Variants in PIK3R6 observed in about 807,000 individuals in gnomAD.
PIK3R6 encodes phosphoinositide-3-kinase regulatory subunit 6.
A neutral mutation model predicts 84.9 loss-of-function variants in PIK3R6; 91 were observed. The ratio of observed to expected loss-of-function variants is 1.07; its 90% confidence interval spans 0.90 to 1.28. PIK3R6 has a LOEUF of 1.28. PIK3R6 is among the 50% of genes most tolerant of loss of function. The probability of loss-of-function intolerance (pLI) is 0.00; values close to 1 mark genes in which losing one functional copy is unlikely to be tolerated. For synonymous variants in PIK3R6, 416 were observed against 411.4 expected (o/e 1.01, Z -0.13); for missense variants, 996 against 985.1 (o/e 1.01, Z -0.15).
chr17:8,812,788 C>G (rs1197043140), intron 18 of PIK3R6, among the ~76,000 whole-genome samples: 2 of 151,894 alleles, frequency 1.3e-5, no homozygotes, highest in African/African-American at 4.8e-5. Context: ...TGTTAAATGC[C>G]TATATAAAAA....
At chr17:8,829,178 G>A (rs577881972) in intron 10 of PIK3R6, among the ~76,000 whole-genome samples, 188 bp from the exon 11 acceptor site, 2 of 131,818 alleles carry the variant, frequency 1.5e-5, no homozygotes, top group African/African-American at 3.1e-5. Context: ...CACATGTACA[G>A]ACACAGACAG....
intron 18 of PIK3R6, among the ~76,000 whole-genome samples, chr17:8,805,656 C>G (rs1181038313): frequency 6.6e-6 from 1 of 152,052 alleles, no homozygotes; most frequent in Non-Finnish European, 1.5e-5. Context: ...TGGCTCATGC[C>G]TATAATCGTA....
At chr17:8,805,467 C>T (rs1336021847) in intron 18 of PIK3R6, among the ~76,000 whole-genome samples, 1 of 152,180 alleles carries the variant, frequency 6.6e-6, no homozygotes, top group Non-Finnish European at 1.5e-5. Context: ...GCCAAGCCCC[C>T]ACCTATCACC....
At chr17:8,835,511 G>A in intron 7 of PIK3R6, 55 bp from the exon 8 acceptor site, 2 of 1,448,206 alleles carry the variant, frequency 1.4e-6, no homozygotes, top group South Asian at 1.4e-5. Flanking sequence ...ATGGGAGAGG[G>A]GCCACCGGAT....
chr17:8,835,122 G>T, intron 8 of PIK3R6, 151 bp downstream of exon 8: 1 of 873,426 alleles, frequency 1.1e-6, no homozygotes, highest in Non-Finnish European at 1.6e-6. Context: ...ATAGGTGTGA[G>T]CCACTGCGCC....
At chr17:8,864,342 G>T (rs959928580) in intron 1 of PIK3R6, among the ~76,000 whole-genome samples, 2 of 151,944 alleles carry the variant, frequency 1.3e-5, no homozygotes, top group African/African-American at 4.8e-5. Context: ...TTAGGGGAAA[G>T]GGGGACCTAT....
At chr17:8,843,063 G>A (rs1272358788) in intron 2 of PIK3R6, among the ~76,000 whole-genome samples, 2 of 152,106 alleles carry the variant, frequency 1.3e-5, no homozygotes, top group East Asian at 3.8e-4. Context: ...GCTGAGAGTG[G>A]ACAGGATACT....
intron 1 of PIK3R6, among the ~76,000 whole-genome samples, chr17:8,853,294 G>C (rs2089025375): frequency 6.6e-6 from 1 of 151,394 alleles, no homozygotes; most frequent in South Asian, 2.1e-4. Flanking sequence ...GACCATCCTG[G>C]CTAACATGGT....
intron 1 of PIK3R6, among the ~76,000 whole-genome samples, chr17:8,858,457 C>T (rs1401239873): frequency 1.3e-5 from 2 of 151,790 alleles, no homozygotes; most frequent in African/African-American, 4.8e-5. Flanking sequence ...CTAGGAATTA[C>T]AGGCACCCGC....
Position 8,828,986 on chromosome 17 carries a change from C to T in PIK3R6, c.894G>A (p.Lys298=), listed in dbSNP as rs762552976. The T allele has an allele frequency of 9.4e-6, 14 of 1,496,606 alleles. No homozygotes were observed. Among genetic ancestry groups the T allele is most frequent in the Non-Finnish European group, 1.2e-5 (14 of 1,123,426 alleles). 92.7% of individuals were successfully genotyped at this position (1,496,606 alleles called of 1,614,324 possible). Residue 298 remains lysine, a synonymous_variant, in exon 11 of 20, where the codon AAG becomes AAA. Transcript: ENST00000619866. ...TTGGGCGGAGGAAGAGCACCAGTTC[C>T]TTCCCTGGGGTGGGGGAACAAGGGC... ...HLWTGEEQLW[K]ELVLFLRPRS... is the part of the protein sequence containing the mutation.
chr17:8,837,893 G>T, intron 4 of PIK3R6, 22 bp from the exon 5 acceptor site: 1 of 1,606,204 alleles, frequency 6.2e-7, no homozygotes, highest in South Asian at 1.1e-5. Context: ...GAGATCACGT[G>T]ACAGGTATTG....
At chr17:8,813,713 C>T (rs960250195) in intron 18 of PIK3R6, among the ~76,000 whole-genome samples, 4 of 152,164 alleles carry the variant, frequency 2.6e-5, no homozygotes, top group Non-Finnish European at 4.4e-5. Flanking sequence ...AGCATCTCTT[C>T]ATGATAAAAG....
At position 8,867,537 on chromosome 17, in the gene PIK3R6, G is replaced by A. The variant is rs766049447; in HGVS notation, c.-100C>T. The A allele has an allele frequency of 4.1e-6, 2 of 485,300 alleles. No individual in the cohort carries two copies. The highest frequency in any genetic ancestry group is 2.0e-5 in the Admixed American group (1 of 48,970). The allele number at this position is 485,300 out of a possible 1,614,324, so 30.1% of individuals were successfully genotyped here. ...TCCAAGCCAGCACTTACCTTGGTTC[G>A]GTGGCAGCTTCTGGGCTCCCCAAGT... On this transcript the variant is annotated 5_prime_UTR_variant, in exon 1 of 20. Transcript: ENST00000619866.
chr17:8,866,918 T>G (rs1280321513), intron 1 of PIK3R6, among the ~76,000 whole-genome samples: 1 of 152,116 alleles, frequency 6.6e-6, no homozygotes, highest in Non-Finnish European at 1.5e-5. Flanking sequence ...CTGGCACACA[T>G]AGAAGATACT....
At chr17:8,822,791 C>G (rs1029616539) in intron 15 of PIK3R6, 134 bp from the exon 16 acceptor site, 1 of 1,032,270 alleles carries the variant, frequency 9.7e-7, no homozygotes, top group Non-Finnish European at 1.4e-6. Flanking sequence ...AAAGGTGACA[C>G]CTCCGGGGGC....
chr17:8,819,630 A>C (rs956301569), intron 17 of PIK3R6, among the ~76,000 whole-genome samples: 1 of 149,574 alleles, frequency 6.7e-6, no homozygotes, highest in Non-Finnish European at 1.5e-5. Flanking sequence ...CAACAGGTCA[A>C]GGTTTCTTTT....
At chr17:8,831,326 T>C (rs1464144321) in intron 9 of PIK3R6, among the ~76,000 whole-genome samples, 1 of 40,152 alleles carries the variant, frequency 2.5e-5, no homozygotes, top group South Asian at 1.0e-3. Context: ...CAAGACCCTG[T>C]CTAAAAAAAA....
intron 9 of PIK3R6, among the ~76,000 whole-genome samples, chr17:8,829,994 T>C (rs1438703681): frequency 6.6e-6 from 1 of 152,228 alleles, no homozygotes; most frequent in African/African-American, 2.4e-5. Flanking sequence ...TGTCCAACAA[T>C]GCTTAGTAGC....
At chr17:8,822,960 AG>A in intron 15 of PIK3R6, 35 bp downstream of exon 15, 6 of 1,503,870 alleles carry the variant, frequency 4.0e-6, no homozygotes, top group Non-Finnish European at 5.6e-6. Flanking sequence ...AAGCTGAGTC[AG>A]GGTGACCTTT....
Sources: gnomAD v4.1 joint callset for allele counts (sites outside exome capture counted in the v4.1 genomes callset) on GRCh38, gnomAD v4.1.1 for gene constraint, MANE v1.5 for transcripts, NCBI Gene and HGNC (gene_info 2026-07-23, HGNC 2026-07-21) for gene names.